The following TBCD variants were observed in gnomAD, a reference collection of about 807,000 sequenced individuals.
The protein encoded by TBCD is tubulin folding cofactor D, also known as tubulin-specific chaperone D.
TBCD carries 105 observed loss-of-function variants against 169.3 expected under a neutral mutation model. The ratio of observed to expected loss-of-function variants is 0.62; its 90% CI spans 0.53 to 0.73. The LOEUF is 0.73. TBCD is among the 30% of genes least tolerant of loss of function. The pLI is 0.00. For missense variants in TBCD, 1,444 were observed against 1,600.1 expected (o/e 0.90, Z 1.66); for synonymous variants, 700 against 643.9 (o/e 1.09, Z -1.32).
At chr17:82,783,366 A>G (rs775511513) in intron 7 of TBCD, among the ~76,000 whole-genome samples, 4 of 152,248 alleles carry the variant, frequency 2.6e-5, no homozygotes, top group Non-Finnish European at 4.4e-5. Flanking sequence ...GTTTTCAAAA[A>G]TCAAGATATA....
chr17:82,865,601 A>G (rs574055275), intron 13 of TBCD: 510 of 943,784 alleles, frequency 5.4e-4, no homozygotes, highest in Non-Finnish European at 5.9e-4. Flanking sequence ...AAGGCCTGAC[A>G]GGGCGATGCG....
Position 82,752,248 on chromosome 17 carries a change from G to C in TBCD, c.55G>C (p.Glu19Gln), listed in dbSNP as rs1348366650. 3.9e-6 allele frequency: 6 copies of C among 1,525,850 alleles called. No homozygotes were observed. In the East Asian group the frequency reaches 1.6e-4, roughly 40 times the overall value. The allele number at this position is 1,525,850 out of a possible 1,614,324, so 94.5% of individuals were successfully genotyped here. The change falls in exon 1 of 39, where the codon GAG becomes CAG. Residue 19 changes from glutamate (E) to glutamine (Q), a missense_variant. Glu to Gln is a conservative substitution (Grantham distance 29, BLOSUM62 2). Coordinates refer to ENST00000355528, the MANE Select transcript of TBCD (RefSeq NM_005993.5). ...AGGPEEEAED[E>Q]TLAFGAALEA... ...CGGCCCCGAGGAGGAGGCGGAGGAC[G>C]AGACACTGGCCTTTGGCGCGGCGCT...
Position 82,806,523 on chromosome 17 carries a change from C to T in TBCD, c.1087+512C>T, listed in dbSNP as rs2050974323. Among the ~76,000 whole-genome samples, 1 of 152,164 alleles carries T rather than the reference C, an allele frequency of 6.6e-6. No homozygotes were observed. The highest frequency in any genetic ancestry group is 2.1e-4 in the South Asian group (1 of 4,830). ...AGCCCCTCATGGCGGCCATCCTGGG[C>T]TCCTGTCCACACACTGTCCTGCCCT... On this transcript the variant is annotated intron_variant, in intron 10 of 38. Coordinates refer to ENST00000355528, the MANE Select transcript of TBCD (RefSeq NM_005993.5). This position sits in a 1 kb window ranked among gnomAD's most constrained non-coding sequence, Gnocchi z 5.1.
intron 17 of TBCD, among the ~76,000 whole-genome samples, chr17:82,896,267 GC>G (rs1408954527): frequency 1.1e-4 from 16 of 152,114 alleles, no homozygotes; most frequent in Non-Finnish European, 2.1e-4. Flanking sequence ...CGTCCCCCGA[GC>G]CTCCAGGGCC....
chr17:82,847,680 C>T (rs1379677675), intron 13 of TBCD, among the ~76,000 whole-genome samples: 1 of 152,222 alleles, frequency 6.6e-6, no homozygotes, highest in East Asian at 1.9e-4. Context: ...CTCTGTCACC[C>T]AGGCTGGAGT....
In TBCD at chr17:82,939,381, G is replaced by T. The variant is rs186706207; in HGVS notation, c.3384G>T (p.Thr1128=). The T allele has an allele frequency of 6.2e-7, 1 of 1,612,190 alleles. No homozygotes were observed. Among genetic ancestry groups the T allele is most frequent in the Non-Finnish European group, 8.5e-7 (1 of 1,179,604 alleles). The change falls in exon 37 of 39, where the codon ACG becomes ACT. Residue 1128 remains threonine (T), a synonymous_variant. Coordinates refer to ENST00000355528, the MANE Select transcript of TBCD (RefSeq NM_005993.5). ...CCCTGTCCCAGATCCGGAAGACCAC[G>T]GCCAGCCAGGTGTACGAGACATTGC... ...CHRFPLIRKT[T]ASQVYETLLT...
intron 9 of TBCD, among the ~76,000 whole-genome samples, chr17:82,804,058 C>T (rs1380061826): frequency 8.4e-6 from 1 of 118,726 alleles, no homozygotes; most frequent in Non-Finnish European, 1.7e-5. Flanking sequence ...GGCCGGGGTG[C>T]ACCTGCCTGT....
intron 14 of TBCD, 62 bp downstream of exon 14, chr17:82,870,442 T>A: frequency 6.4e-7 from 1 of 1,568,314 alleles, no homozygotes; most frequent in Non-Finnish European, 8.7e-7. Flanking sequence ...CGTGTGTCGT[T>A]TCCTCCATGA....
Position 82,814,988 on chromosome 17 carries a change from A to G in TBCD, c.1318+54A>G, listed in dbSNP as rs558711018. ...ATGTCTGGCGCTGGCGGAGCTGGGC[A>G]GGAGAGGCCTGTTGCTGCCATCTCG... On this transcript the variant is annotated intron_variant, in intron 13 of 38. Transcript: ENST00000355528. 274 of 1,602,660 alleles carry G rather than the reference A, an allele frequency of 1.7e-4. 1 individual carries two copies. Among genetic ancestry groups the G allele is most frequent in the Non-Finnish European group, 2.1e-4 (251 of 1,177,052 alleles).
At chr17:82,791,089 A>ATC (rs1293019098) in intron 7 of TBCD, among the ~76,000 whole-genome samples, 20 of 89,728 alleles carry the variant, frequency 2.2e-4, no homozygotes, top group African/African-American at 9.0e-4. Flanking sequence ...TGTCTCTTGC[A>ATC]TCTTTTTTTT....
In TBCD at chr17:82,942,471, C is replaced by A. The variant is rs1433871912; in HGVS notation, c.*8C>A. Reference sequence around the variant, plus strand: ...CAGCCTGGTGCCTGCTGAAGCCAGTCCTGGAGCCCATACCTCACCCCTGCC... The same window carrying A: ...CAGCCTGGTGCCTGCTGAAGCCAGTACTGGAGCCCATACCTCACCCCTGCC... On this transcript the variant is annotated 3_prime_UTR_variant, in exon 39 of 39. Coordinates refer to ENST00000355528, the MANE Select transcript of TBCD (RefSeq NM_005993.5). 6 of 1,613,856 alleles carry A rather than the reference C, an allele frequency of 3.7e-6. No individual in the cohort carries two copies. Among genetic ancestry groups the A allele is most frequent in the Non-Finnish European group, 5.1e-6 (6 of 1,179,890 alleles).
At chr17:82,852,151 G>T (rs2055847022) in intron 13 of TBCD, among the ~76,000 whole-genome samples, 1 of 130,316 alleles carries the variant, frequency 7.7e-6, no homozygotes, top group Non-Finnish European at 1.6e-5. Flanking sequence ...CCCGACAGAT[G>T]GATAAACCCC....
chr17:82,754,313 T>A (rs548761266), intron 1 of TBCD, among the ~76,000 whole-genome samples: 1 of 152,286 alleles, frequency 6.6e-6, no homozygotes, highest in South Asian at 2.1e-4. Flanking sequence ...CTGAATCGCG[T>A]CTGCGTGGGG....
At chr17:82,865,439 A>C in intron 13 of TBCD, 1 of 984,262 alleles carries the variant, frequency 1.0e-6, no homozygotes, top group Non-Finnish European at 1.2e-6. Flanking sequence ...GCAGTCGGGG[A>C]GACACCCCCT....
At chr17:82,768,042 C>T (rs964597697) in intron 4 of TBCD, among the ~76,000 whole-genome samples, 1 of 152,002 alleles carries the variant, frequency 6.6e-6, no homozygotes, top group Non-Finnish European at 1.5e-5. Flanking sequence ...ACCACCACAC[C>T]TGGCCTTTTT....
At chr17:82,895,831 TC>T (rs2059437611) in intron 17 of TBCD, 1 of 152,072 alleles carries the variant, frequency 6.6e-6, no homozygotes, top group South Asian at 2.1e-4. Context: ...AATTGGAGTT[TC>T]GGACACACAG....
In TBCD at chr17:82,930,629, CCTT is replaced by C. The variant is rs1568079760; in HGVS notation, c.3102_3104del (p.Leu1035del). ...CCCTTCTGCAGATCTTTGAGGACAA[CCTT>C]CTGAATGAGAGGTGAGTGGTGTCTC... On this transcript the variant is annotated inframe_deletion, in exon 33 of 39. Coordinates refer to ENST00000355528, the MANE Select transcript of TBCD (RefSeq NM_005993.5). This position sits in a 1 kb window ranked among gnomAD's most constrained non-coding sequence, Gnocchi z 5.2. The C allele has an allele frequency of 6.2e-7, 1 of 1,613,994 alleles. No homozygotes were observed.
At chr17:82,906,317 G>C (rs1363647679) in intron 20 of TBCD, among the ~76,000 whole-genome samples, 3 of 152,222 alleles carry the variant, frequency 2.0e-5, no homozygotes, top group Non-Finnish European at 4.4e-5. Flanking sequence ...CCCCACGGCT[G>C]TCCTGCCCCT....
At chr17:82,857,433 G>GTGTATT (rs2056402906) in intron 13 of TBCD, among the ~76,000 whole-genome samples, 1 of 151,910 alleles carries the variant, frequency 6.6e-6, no homozygotes, top group Non-Finnish European at 1.5e-5. Flanking sequence ...TTTTGATAAT[G>GTGTATT]TCTTTGTATT....
Sources: allele counts gnomAD v4.1 joint callset (sites outside exome capture counted in the v4.1 genomes callset), GRCh38; gene constraint gnomAD v4.1.1; non-coding constraint Gnocchi (gnomAD v3.1); transcripts MANE v1.5; gene names NCBI Gene and HGNC (gene_info 2026-07-23, HGNC 2026-07-21).